Variants in FAM204A observed in about 807,000 individuals in gnomAD.
FAM204A encodes the protein family with sequence similarity 204 member A.
In FAM204A, 16 loss-of-function variants were observed where a neutral mutation model predicts 35.4. The observed-to-expected ratio is 0.45, with a 90% CI of 0.31 to 0.69. The LOEUF (loss-of-function observed/expected upper bound fraction) is 0.69. Among genes scored for constraint, FAM204A ranks in the 30% least tolerant of loss-of-function variants. FAM204A has a pLI of 0.07. For missense variants in FAM204A, 240 were observed against 265.7 expected (o/e 0.90, Z 0.67); for synonymous variants, 76 against 86.9 (o/e 0.88, Z 0.70).
chr10:118,323,665 C>T (rs1010256355), intron 7 of FAM204A, among the ~76,000 whole-genome samples: 5 of 152,034 alleles, frequency 3.3e-5, no homozygotes, highest in Admixed American at 3.3e-4. Context: ...TCTCTCCCAA[C>T]CTCACAGGTA....
In FAM204A at chr10:118,320,904, G is replaced by GGT. The variant is rs572273369; in HGVS notation, c.543+5249_543+5250insAC. 3.0e-3 allele frequency among the ~76,000 whole-genome samples: 405 copies of GGT among 133,890 alleles called. 2 individuals carry two copies. The highest frequency in any genetic ancestry group is 4.7e-3 in the Non-Finnish European group (282 of 60,328). 87.8% of individuals were successfully genotyped at this position (133,890 alleles called of 152,430 possible). ...CGTTTTGTGTGTGTGTGTGTGTGTG[G>GGT]TTTTTTTTTTTTAAGAACTGTTTTC... On this transcript the variant is annotated intron_variant, in intron 7 of 8. Coordinates refer to ENST00000369183, the MANE Select transcript of FAM204A (RefSeq NM_022063.3).
chr10:118,298,823 C>T lies in FAM204A; in HGVS notation c.*12034G>A, dbSNP rs1043567129. On this transcript the variant is annotated 3_prime_UTR_variant, in exon 9 of 9. Coordinates refer to ENST00000369183, the MANE Select transcript of FAM204A (RefSeq NM_022063.3). ...AACCTTTGCAAAGCCTTCACTGATT[C>T]GGGAACCTCAAATGCGTTTTCATTG... 1.3e-5 allele frequency: 2 copies of T among 152,152 alleles called. No individual in the cohort carries two copies. The highest frequency in any genetic ancestry group is 4.8e-5 in the African/African-American group (2 of 41,428). The allele number at this position is 152,152 out of a possible 1,614,324, so 9.4% of individuals were successfully genotyped here.
intron 7 of FAM204A, among the ~76,000 whole-genome samples, chr10:118,323,091 C>A (rs911594813): frequency 1.3e-5 from 2 of 152,056 alleles, no homozygotes; most frequent in Non-Finnish European, 2.9e-5. Context: ...GTTGGTCAGT[C>A]ACTTGCTACT....
At chr10:118,312,418 A>G (rs1481972414) in intron 7 of FAM204A, among the ~76,000 whole-genome samples, 1 of 152,190 alleles carries the variant, frequency 6.6e-6, no homozygotes, top group Non-Finnish European at 1.5e-5. Context: ...GGTTAAGAGC[A>G]CACGTGTAAG....
intron 7 of FAM204A, among the ~76,000 whole-genome samples, chr10:118,313,642 A>G (rs1163263719): frequency 1.3e-5 from 2 of 152,124 alleles, no homozygotes; most frequent in South Asian, 4.1e-4. Context: ...TAAAACAGAA[A>G]AATCTATATT....
At chr10:118,315,656 CT>C (rs1846018894) in intron 7 of FAM204A, among the ~76,000 whole-genome samples, 1 of 152,052 alleles carries the variant, frequency 6.6e-6, no homozygotes, top group Non-Finnish European at 1.5e-5. Flanking sequence ...GTCGACAATT[CT>C]TGATTGTCTT....
intron 6 of FAM204A, among the ~76,000 whole-genome samples, chr10:118,328,338 A>G (rs528187015): frequency 6.6e-6 from 1 of 152,180 alleles, no homozygotes; most frequent in Admixed American, 6.5e-5. Flanking sequence ...ATTATCAACT[A>G]AACTCTAAGC....
Position 118,310,612 on chromosome 10 carries a change from T to C in FAM204A, c.*245A>G. The C allele has an allele frequency of 1.1e-5, 5 of 468,314 alleles. No homozygotes were observed. In the South Asian group the frequency reaches 1.3e-4, roughly 12 times the overall value. 29.0% of individuals were successfully genotyped at this position (468,314 alleles called of 1,614,324 possible). ...ATCCATACAAATAAACAAAATCCTATCCTCTTCTTTCTATATTTTTTTTCT... is the reference window on the plus strand; with the variant it reads ...ATCCATACAAATAAACAAAATCCTACCCTCTTCTTTCTATATTTTTTTTCT... On this transcript the variant is annotated 3_prime_UTR_variant, in exon 9 of 9. Transcript: ENST00000369183.
At chr10:118,332,755 G>A (rs1011969967) in intron 6 of FAM204A, among the ~76,000 whole-genome samples, 3 of 152,072 alleles carry the variant, frequency 2.0e-5, no homozygotes, top group Non-Finnish European at 4.4e-5. Context: ...CAAAGACATT[G>A]TACAATTACT....
chr10:118,313,002 G>A (rs1337272649), intron 7 of FAM204A, among the ~76,000 whole-genome samples: 4 of 151,912 alleles, frequency 2.6e-5, no homozygotes, highest in South Asian at 2.1e-4. Flanking sequence ...AAAAGTTCAC[G>A]TAAGTCAACC....
chr10:118,332,839 T>A (rs1017244199), intron 6 of FAM204A, among the ~76,000 whole-genome samples: 1 of 152,200 alleles, frequency 6.6e-6, no homozygotes, highest in Non-Finnish European at 1.5e-5. Flanking sequence ...ACTACTTCAA[T>A]AATGACTGCT....
chr10:118,320,267 T>G (rs1388204654), intron 7 of FAM204A, among the ~76,000 whole-genome samples: 1 of 148,526 alleles, frequency 6.7e-6, no homozygotes, highest in East Asian at 2.0e-4. Context: ...ATTTATTAAA[T>G]AAAATAAAAA....
intron 7 of FAM204A, among the ~76,000 whole-genome samples, chr10:118,312,573 T>G (rs2133265044): frequency 6.6e-6 from 1 of 152,248 alleles, no homozygotes; most frequent in East Asian, 1.9e-4. Flanking sequence ...AAAAATAGAT[T>G]TGATTTTTCA....
chr10:118,320,764 A>G (rs1340258349), intron 7 of FAM204A, among the ~76,000 whole-genome samples: 8 of 151,952 alleles, frequency 5.3e-5, no homozygotes, highest in Non-Finnish European at 1.2e-4. Context: ...GACATCCCCC[A>G]AACCAGATTC....
At position 118,304,420 on chromosome 10, in the gene FAM204A, A is replaced by G. The variant is rs1845840453; in HGVS notation, c.*6437T>C. On this transcript the variant is annotated 3_prime_UTR_variant, in exon 9 of 9. Transcript: ENST00000369183. ...CCTTCTTCATCCCACATCACCATCC[A>G]TAGACACCCAACTCTTCCCCGCACA... 1.3e-5 allele frequency: 2 copies of G among 152,326 alleles called. No individual in the cohort carries two copies. Among genetic ancestry groups the G allele is most frequent in the Non-Finnish European group, 2.9e-5 (2 of 68,094 alleles). The allele number at this position is 152,326 out of a possible 1,614,324, so 9.4% of individuals were successfully genotyped here. A position where few individuals can be genotyped will look rare whatever the true frequency, so the allele number is the denominator to read the frequency against.
intron 7 of FAM204A, among the ~76,000 whole-genome samples, chr10:118,315,204 G>C (rs958867568): frequency 2.0e-5 from 3 of 152,068 alleles, no homozygotes; most frequent in African/African-American, 4.8e-5. Context: ...ATATTGGGTT[G>C]TAAAATAGAT....
intron 3 of FAM204A, 87 bp from the exon 4 acceptor site, chr10:118,335,728 T>C: frequency 9.9e-7 from 1 of 1,008,492 alleles, no homozygotes; most frequent in Admixed American, 2.5e-5. Context: ...AAAACAATTA[T>C]ATTTCAGCGT....
chr10:118,328,712 C>T (rs1421709166), intron 6 of FAM204A, among the ~76,000 whole-genome samples: 1 of 152,084 alleles, frequency 6.6e-6, no homozygotes, highest in African/African-American at 2.4e-5. Context: ...AGGATGGTCT[C>T]AATCTCCTGA....
chr10:118,329,242 T>G (rs945097418), intron 6 of FAM204A, among the ~76,000 whole-genome samples: 1 of 152,284 alleles, frequency 6.6e-6, no homozygotes, highest in South Asian at 2.1e-4. Flanking sequence ...GATCCCTTAT[T>G]TGGAATATTA....
Sources: gnomAD v4.1 joint callset for allele counts (sites outside exome capture counted in the v4.1 genomes callset) on GRCh38, gnomAD v4.1.1 for gene constraint, MANE v1.5 for transcripts, NCBI Gene and HGNC (gene_info 2026-07-23, HGNC 2026-07-21) for gene names.